CTNNA3: variants seen among roughly 807,000 people sequenced by gnomAD.
CTNNA3 encodes catenin alpha 3.
CTNNA3 carries 76 observed loss-of-function variants against 95.7 expected under a neutral mutation model. The observed-to-expected ratio is 0.79, with a 90% confidence interval of 0.66 to 0.96. The LOEUF (loss-of-function observed/expected upper bound fraction) is 0.96, where lower values mean the gene tolerates loss of function less well. CTNNA3 is among the 40% of genes least tolerant of loss of function. The pLI, the probability that CTNNA3 is intolerant of heterozygous loss-of-function variation, is 0.00. For synonymous variants in CTNNA3, 431 were observed against 374.4 expected, an observed-to-expected ratio of 1.15 and a Z score of -1.74; for missense variants, 1,191 against 1,089.8, an observed-to-expected ratio of 1.09 and a Z score of -1.31.
intron 13 of CTNNA3, among the ~76,000 whole-genome samples, chr10:66,193,580 C>T (rs1462638716): frequency 6.6e-6 from 1 of 152,168 alleles, no homozygotes; most frequent in Non-Finnish European, 1.5e-5. Flanking sequence ...GAAATTATCA[C>T]TTAAAATAAG....
At chr10:66,124,248 A>G (rs1182791066) in intron 13 of CTNNA3, among the ~76,000 whole-genome samples, 3 of 152,142 alleles carry the variant, frequency 2.0e-5, no homozygotes, top group East Asian at 1.9e-4. Context: ...AAGTTCCACA[A>G]ATCTCTCTAG....
intron 13 of CTNNA3, among the ~76,000 whole-genome samples, chr10:66,225,400 T>C (rs1376986301): frequency 7.3e-6 from 1 of 137,326 alleles, no homozygotes; most frequent in Non-Finnish European, 1.5e-5. Context: ...AATATATATA[T>C]ATATATATAT....
At chr10:66,998,884 C>T (rs1851521236) in intron 7 of CTNNA3, among the ~76,000 whole-genome samples, 1 of 151,940 alleles carries the variant, frequency 6.6e-6, no homozygotes, top group African/African-American at 2.4e-5. Context: ...AACCATGGAC[C>T]CTACAATTAG....
intron 9 of CTNNA3, among the ~76,000 whole-genome samples, chr10:66,694,574 T>C (rs1277723264): frequency 6.6e-6 from 1 of 152,100 alleles, no homozygotes; most frequent in African/African-American, 2.4e-5. Flanking sequence ...ACTATTCCAA[T>C]CAATAGAAAA....
At chr10:66,939,504 T>C (rs1847887153) in intron 7 of CTNNA3, among the ~76,000 whole-genome samples, 1 of 152,252 alleles carries the variant, frequency 6.6e-6, no homozygotes, top group Admixed American at 6.5e-5. Flanking sequence ...TCTATTTGTA[T>C]TCAACTCTTT....
chr10:67,674,473 A>G (rs573465599), intron 1 of CTNNA3, among the ~76,000 whole-genome samples: 1 of 152,218 alleles, frequency 6.6e-6, no homozygotes, highest in African/African-American at 2.4e-5. Context: ...AACTAATACA[A>G]TTCAGAAGTA....
chr10:67,515,769 A>G lies in CTNNA3; in HGVS notation c.579+6073T>C, dbSNP rs530649782. On this transcript the variant is annotated intron_variant, in intron 5 of 17. Coordinates refer to ENST00000433211, the MANE Select transcript of CTNNA3 (RefSeq NM_013266.4). Reference sequence around the variant, plus strand: ...TAATTACAGAAGAAGGAAAAAAAGAATCTTCTCCCAATTGAGCAATTAACA... The same window carrying G: ...TAATTACAGAAGAAGGAAAAAAAGAGTCTTCTCCCAATTGAGCAATTAACA... Among the ~76,000 whole-genome samples the G allele has an allele frequency of 7.2e-5, 11 of 152,300 alleles. No individual in the cohort carries two copies. In the South Asian group the frequency reaches 1.0e-3, roughly 14 times the overall value.
chr10:67,286,103 C>T (rs564752713), intron 5 of CTNNA3, among the ~76,000 whole-genome samples: 72 of 152,180 alleles, frequency 4.7e-4, no homozygotes, highest in African/African-American at 1.4e-3. Flanking sequence ...TCTAGAAATA[C>T]AATATGTTTG....
intron 1 of CTNNA3, among the ~76,000 whole-genome samples, chr10:67,684,587 T>C (rs923703551): frequency 6.6e-6 from 1 of 152,188 alleles, no homozygotes; most frequent in Non-Finnish European, 1.5e-5. Context: ...TACTTCCTGC[T>C]GGATAGGGGC....
At chr10:67,719,631 G>C (rs867244972) in intron 1 of CTNNA3, among the ~76,000 whole-genome samples, 1 of 152,190 alleles carries the variant, frequency 6.6e-6, no homozygotes, top group African/African-American at 2.4e-5. Flanking sequence ...TCTTAATCCT[G>C]AGTTCTAATT....
intron 5 of CTNNA3, among the ~76,000 whole-genome samples, chr10:67,287,373 T>C (rs1589128060): frequency 6.6e-6 from 1 of 152,088 alleles, no homozygotes; most frequent in Non-Finnish European, 1.5e-5. Context: ...TTCTTACAGA[T>C]TGTCTTTGTG....
chr10:66,246,505 A>G (rs532837833), intron 13 of CTNNA3, among the ~76,000 whole-genome samples: 1 of 152,258 alleles, frequency 6.6e-6, no homozygotes, highest in Non-Finnish European at 1.5e-5. Context: ...TCCTTGCTGC[A>G]GCTGGCATGA....
intron 7 of CTNNA3, among the ~76,000 whole-genome samples, chr10:66,843,225 A>AG (rs1843128865): frequency 6.6e-6 from 1 of 152,244 alleles, no homozygotes; most frequent in South Asian, 2.1e-4. Context: ...AACCAAGCTC[A>AG]GGGGGGTTTA....
chr10:67,450,621 A>T (rs905255581), intron 5 of CTNNA3, among the ~76,000 whole-genome samples: 1 of 152,014 alleles, frequency 6.6e-6, no homozygotes, highest in African/African-American at 2.4e-5. Flanking sequence ...CAGACACTGG[A>T]GCCTATTTGA....
At chr10:67,114,551 A>G (rs775731265) in intron 7 of CTNNA3, among the ~76,000 whole-genome samples, 8 of 152,162 alleles carry the variant, frequency 5.3e-5, no homozygotes, top group Non-Finnish European at 1.0e-4. Context: ...CTTTTGTTAT[A>G]CTATAAATAT....
intron 7 of CTNNA3, among the ~76,000 whole-genome samples, chr10:66,800,444 C>A (rs1309851120): frequency 6.6e-6 from 1 of 150,528 alleles, no homozygotes; most frequent in African/African-American, 2.4e-5. Flanking sequence ...AAAATCAAGG[C>A]AGCAGAATTG....
At chr10:66,782,292 T>A (rs1264196171) in intron 7 of CTNNA3, among the ~76,000 whole-genome samples, 1 of 152,150 alleles carries the variant, frequency 6.6e-6, no homozygotes, top group African/African-American at 2.4e-5. Flanking sequence ...ATTAGACATA[T>A]CATTGGTGTT....
chr10:67,317,828 C>G (rs1390907956), intron 5 of CTNNA3, among the ~76,000 whole-genome samples: 1 of 152,164 alleles, frequency 6.6e-6, no homozygotes, highest in Non-Finnish European at 1.5e-5. Context: ...CTTGGTGTGA[C>G]TGTTGCAGAG....
rs563090814 is a variant in CTNNA3, at chr10:67,011,157, G to A, written c.1047+169160C>T. 8.5e-4 allele frequency among the ~76,000 whole-genome samples: 129 copies of A among 151,960 alleles called. 1 individual carries two copies. The highest frequency in any genetic ancestry group is 2.9e-3 in the African/African-American group (121 of 41,480). On this transcript the variant is annotated intron_variant, in intron 7 of 17. Coordinates refer to ENST00000433211, the MANE Select transcript of CTNNA3 (RefSeq NM_013266.4). The stretch of plus-strand genomic sequence containing the variant: ...ATCCTGGCTAACACGGTGAAACCCC[G>A]TCTCTACTAAAAATACAAAAAATAA...
Sources: allele counts gnomAD v4.1 joint callset (sites outside exome capture counted in the v4.1 genomes callset), GRCh38; gene constraint gnomAD v4.1.1; transcripts MANE v1.5; gene names NCBI Gene and HGNC (gene_info 2026-07-23, HGNC 2026-07-21).